The following WDR12 variants were observed in gnomAD, a reference collection of about 807,000 sequenced individuals.
The protein encoded by WDR12 is WD repeat domain 12.
WDR12 carries 42 observed loss-of-function variants against 64.3 expected under a neutral mutation model. That is an observed-to-expected ratio of 0.65 (90% confidence interval 0.51 to 0.84). WDR12 has a LOEUF of 0.84. Among genes scored for constraint, WDR12 ranks in the 40% least tolerant of loss-of-function variants. The pLI is 0.00. For synonymous variants in WDR12, 158 were observed against 173.3 expected (o/e 0.91, Z 0.70); for missense variants, 469 against 494.6 (o/e 0.95, Z 0.49).
At chr2:202,889,600 C>T (rs1010487314) in intron 8 of WDR12, among the ~76,000 whole-genome samples, 1 of 151,744 alleles carries the variant, frequency 6.6e-6, no homozygotes, top group African/African-American at 2.4e-5. Flanking sequence ...TAATAAGTAA[C>T]CATATCAAGT....
At chr2:202,883,455 G>C in intron 11 of WDR12, 154 bp downstream of exon 11, 1 of 979,410 alleles carries the variant, frequency 1.0e-6, no homozygotes, top group Non-Finnish European at 1.4e-6. Flanking sequence ...TTTGATCCTG[G>C]CTTTTCTTTT....
intron 1 of WDR12, among the ~76,000 whole-genome samples, chr2:202,908,343 T>TA (rs1287067196): frequency 6.6e-6 from 1 of 152,182 alleles, no homozygotes; most frequent in Admixed American, 6.5e-5. Flanking sequence ...TAGTCCCAGC[T>TA]ACTTGGGAGG....
chr2:202,906,411 A>G (rs924139393), intron 2 of WDR12, among the ~76,000 whole-genome samples: 3 of 152,210 alleles, frequency 2.0e-5, no homozygotes, highest in African/African-American at 7.2e-5. Flanking sequence ...AAAGTTGCTC[A>G]AAAACATCAC....
chr2:202,889,603 T>C (rs1280611953), intron 8 of WDR12, among the ~76,000 whole-genome samples: 1 of 151,736 alleles, frequency 6.6e-6, no homozygotes, highest in African/African-American at 2.4e-5. Context: ...TAAGTAACCA[T>C]ATCAAGTGCT....
intron 8 of WDR12, among the ~76,000 whole-genome samples, chr2:202,891,031 C>A (rs968246095): frequency 2.0e-5 from 3 of 148,906 alleles, no homozygotes; most frequent in South Asian, 2.1e-4. Flanking sequence ...AATAAAAGAG[C>A]TACCTTCTCA....
chr2:202,904,046 G>A (rs1424061363), intron 2 of WDR12, among the ~76,000 whole-genome samples: 1 of 148,578 alleles, frequency 6.7e-6, no homozygotes, highest in Non-Finnish European at 1.5e-5. Context: ...GCTGAGGCAG[G>A]AGAATCGCTT....
Position 202,884,281 on chromosome 2 carries a change from C to A in WDR12, c.905G>T (p.Cys302Phe), listed in dbSNP as rs528881823. 3.1e-6 allele frequency: 5 copies of A among 1,613,966 alleles called. No individual in the cohort carries two copies. In the South Asian group the frequency reaches 4.4e-5, roughly 14 times the overall value. The change falls in exon 10 of 13, where the codon TGT (cysteine) becomes TTT (phenylalanine). Residue 302 changes from cysteine to phenylalanine, a missense_variant. Transcript: ENST00000261015. ...STLTGNKVFNCISYSPLCKRL... is the reference protein window; with the variant it reads ...STLTGNKVFNFISYSPLCKRL... ...TTTACAAAGTGGAGAATAGGAAATACAATTAAACACTTTATTTCCTGTCTG... is the reference window on the plus strand; with the variant it reads ...TTTACAAAGTGGAGAATAGGAAATAAAATTAAACACTTTATTTCCTGTCTG...
intron 6 of WDR12, among the ~76,000 whole-genome samples, chr2:202,895,547 G>C (rs886175946): frequency 2.3e-5 from 3 of 129,518 alleles, no homozygotes; most frequent in African/African-American, 8.5e-5. Context: ...TTGAGACTGA[G>C]TTTCACTCTT....
intron 8 of WDR12, among the ~76,000 whole-genome samples, chr2:202,890,677 A>G (rs970169885): frequency 2.6e-5 from 4 of 151,920 alleles, no homozygotes; most frequent in Non-Finnish European, 5.9e-5. Context: ...AGGCTGAGGC[A>G]GGAGAATGGC....
At chr2:202,906,960 T>A (rs1688469209) in intron 2 of WDR12, among the ~76,000 whole-genome samples, 1 of 141,774 alleles carries the variant, frequency 7.1e-6, no homozygotes, top group Non-Finnish European at 1.6e-5. Flanking sequence ...ACTTCAACAT[T>A]TTTTTTTTTT....
intron 2 of WDR12, among the ~76,000 whole-genome samples, chr2:202,907,282 T>C (rs981262225): frequency 3.9e-5 from 6 of 152,212 alleles, no homozygotes; most frequent in Admixed American, 2.6e-4. Flanking sequence ...TTACATACAT[T>C]GTTCATATTA....
intron 1 of WDR12, among the ~76,000 whole-genome samples, chr2:202,910,575 T>A (rs1293331066): frequency 6.6e-6 from 1 of 152,094 alleles, no homozygotes; most frequent in Non-Finnish European, 1.5e-5. Flanking sequence ...TTCAAAAAAT[T>A]TTATTTTAAG....
At chr2:202,890,996 T>TAAA (rs71030997) in intron 8 of WDR12, among the ~76,000 whole-genome samples, 15 of 111,106 alleles carry the variant, frequency 1.4e-4, no homozygotes, top group Admixed American at 2.1e-4. Context: ...TTTGTCTCTT[T>TAAA]AAAAAAAAAA....
rs537876419 is a variant in WDR12, at chr2:202,875,135, T to C, written c.*5725A>G. ...ACACTAGGTACTTAACCTGTCTGCA[T>C]TGTGGTTTCCTTTAAATAACATGAA... is the stretch of plus-strand genomic sequence containing the variant. On this transcript the variant is annotated 3_prime_UTR_variant, in exon 13 of 13. Coordinates refer to ENST00000261015, the MANE Select transcript of WDR12 (RefSeq NM_018256.4). The C allele has an allele frequency of 2.0e-5, 3 of 152,304 alleles. No homozygotes were observed. In the East Asian group the frequency reaches 5.8e-4, roughly 29 times the overall value. 9.4% of individuals were successfully genotyped at this position (152,304 alleles called of 1,614,324 possible).
Position 202,899,570 on chromosome 2 carries a change from T to C in WDR12, c.299A>G (p.His100Arg), listed in dbSNP as rs1046554986. 2.5e-6 allele frequency: 4 copies of C among 1,614,100 alleles called. No individual in the cohort carries two copies. The highest frequency in any genetic ancestry group is 1.1e-5 in the South Asian group (1 of 91,092). ...TAPQPEQCMF[H>R]DDWISSIKGA... ...TTTAATTGAACTGATCCAGTCATCATGGAACATGCATTGCTCTGGCTGGGG... is the reference window on the plus strand; with the variant it reads ...TTTAATTGAACTGATCCAGTCATCACGGAACATGCATTGCTCTGGCTGGGG... Residue 100 changes from histidine to arginine, a missense_variant, in exon 4 of 13, where the codon CAT (histidine) becomes CGT (arginine). By Grantham distance (29) the His-to-Arg change is conservative. Transcript: ENST00000261015.
At chr2:202,907,105 C>T (rs1011172658) in intron 2 of WDR12, among the ~76,000 whole-genome samples, 12 of 152,066 alleles carry the variant, frequency 7.9e-5, no homozygotes, top group Non-Finnish European at 1.2e-4. Context: ...TGTGCCACCA[C>T]GCCTGGCTGA....
rs779419072 is a variant in WDR12 at position 202,899,032 on chromosome 2, G to GTTTTTT, written c.338+493_338+498dup. 3.7e-3 allele frequency among the ~76,000 whole-genome samples: 275 copies of GTTTTTT among 73,678 alleles called. 34 individuals carry two copies. Among genetic ancestry groups the GTTTTTT allele is most frequent in the African/African-American group, 0.014 (267 of 18,516 alleles). 48.3% of individuals were successfully genotyped at this position (73,678 alleles called of 152,430 possible). On this transcript the variant is annotated intron_variant, in intron 4 of 12. Transcript: ENST00000261015. Reference sequence around the variant, plus strand: ...GAGTACCTATTAATAAATACCTGTGGTTTTTTTTTTTTTTTTTTTTTTTTT... The same window carrying GTTTTTT: ...GAGTACCTATTAATAAATACCTGTGGTTTTTTTTTTTTTTTTTTTTTTTTTTTTTTT...
intron 5 of WDR12, among the ~76,000 whole-genome samples, chr2:202,896,451 G>A (rs556055846): frequency 3.0e-4 from 46 of 151,602 alleles, no homozygotes; most frequent in African/African-American, 1.1e-3. Context: ...GACATTTTGG[G>A]AGGCCAACAC....
At chr2:202,903,561 A>G (rs1221645766) in intron 2 of WDR12, among the ~76,000 whole-genome samples, 1 of 152,090 alleles carries the variant, frequency 6.6e-6, no homozygotes, top group Non-Finnish European at 1.5e-5. Flanking sequence ...AAGATGTCAC[A>G]TTATCCTTGT....
Sources: gnomAD v4.1 joint callset for allele counts (sites outside exome capture counted in the v4.1 genomes callset) on GRCh38, gnomAD v4.1.1 for gene constraint, MANE v1.5 for transcripts, NCBI Gene and HGNC (gene_info 2026-07-23, HGNC 2026-07-21) for gene names.